CRACD: variants seen among roughly 807,000 people sequenced by gnomAD.
The protein encoded by CRACD is capping protein inhibiting regulator of actin dynamics.
Under a neutral mutation model 106.8 loss-of-function variants are expected in CRACD, and 56 were observed. The observed-to-expected ratio is 0.52, with a 90% CI of 0.42 to 0.66. The LOEUF (loss-of-function observed/expected upper bound fraction) is 0.66. CRACD is among the 30% of genes least tolerant of loss of function. The pLI, the probability that CRACD is intolerant of heterozygous loss-of-function variation, is 0.00. For synonymous variants in CRACD, 754 were observed against 670.8 expected, an observed-to-expected ratio of 1.12 and a Z score of -1.92; for missense variants, 1,730 against 1,623.2, an observed-to-expected ratio of 1.07 and a Z score of -1.13.
chr4:56,118,974 A>G (rs945108948), intron 1 of CRACD, among the ~76,000 whole-genome samples: 28 of 152,320 alleles, frequency 1.8e-4, no homozygotes, highest in Middle Eastern at 6.8e-3. Context: ...ATCCATTGAG[A>G]CATGAAAACA....
At position 56,267,277 on chromosome 4, in the gene CRACD, C is replaced by T. The variant is rs954139812; in HGVS notation, c.-188-5044C>T. On this transcript the variant is annotated intron_variant, in intron 2 of 10. Transcript: ENST00000682029. The stretch of plus-strand genomic sequence containing the variant: ...CTGGAATTATAGGCACCAGCCACCA[C>T]GCCCAGCTAATTTTTTTTGTATTTT... Among the ~76,000 whole-genome samples, 77 of 152,182 alleles carry T rather than the reference C, an allele frequency of 5.1e-4. 1 individual carries two copies. The highest frequency in any genetic ancestry group is 1.7e-3 in the African/African-American group (72 of 41,542).
intron 1 of CRACD, among the ~76,000 whole-genome samples, chr4:56,134,587 A>G (rs1734937431): frequency 1.3e-5 from 2 of 152,164 alleles, no homozygotes; most frequent in African/African-American, 4.8e-5. Flanking sequence ...CTTCTCCCCA[A>G]GCATTGTTTA....
At chr4:56,221,862 T>C (rs1362304860) in intron 2 of CRACD, among the ~76,000 whole-genome samples, 2 of 152,162 alleles carry the variant, frequency 1.3e-5, no homozygotes, top group African/African-American at 2.4e-5. Flanking sequence ...CGAGCCAGAA[T>C]GGCTATTATT....
intron 1 of CRACD, among the ~76,000 whole-genome samples, chr4:56,118,866 G>A (rs1245860369): frequency 1.3e-5 from 2 of 152,140 alleles, no homozygotes; most frequent in Non-Finnish European, 2.9e-5. Context: ...TTTATACAGT[G>A]GCAATTCTAT....
chr4:56,260,441 G>A (rs767320287), intron 2 of CRACD, among the ~76,000 whole-genome samples: 9 of 152,180 alleles, frequency 5.9e-5, no homozygotes, highest in South Asian at 2.1e-4. Flanking sequence ...ATTAAGTATC[G>A]TTTAAGGACA....
At chr4:56,232,803 C>T (rs1392328463) in intron 2 of CRACD, among the ~76,000 whole-genome samples, 3 of 151,932 alleles carry the variant, frequency 2.0e-5, no homozygotes, top group Non-Finnish European at 4.4e-5. Flanking sequence ...CGGCTCACTG[C>T]AAACTCTGCC....
At chr4:56,235,230 G>GTGTTTGTCAAGTCAGAGCTT (rs1452523386) in intron 2 of CRACD, among the ~76,000 whole-genome samples, 10 of 152,278 alleles carry the variant, frequency 6.6e-5, no homozygotes, top group African/African-American at 2.2e-4. Flanking sequence ...TATCTTGGGG[G>GTGTTTGTCAAGTCAGAGCTT]TGTTTGTCAA....
At chr4:56,167,847 T>C (rs28799076) in intron 1 of CRACD, among the ~76,000 whole-genome samples, 49,448 of 152,092 alleles carry the variant, frequency 0.33, 8,021 homozygotes, top group Admixed American at 0.34. Context: ...TCCTGCAATA[T>C]GCAACATGGA....
In CRACD at chr4:56,330,461, A is replaced by G. The variant is rs1188158502; in HGVS notation, c.*2657A>G. Among the ~76,000 whole-genome samples, 1 of 152,134 alleles carries G rather than the reference A, an allele frequency of 6.6e-6. No homozygotes were observed. The highest frequency in any genetic ancestry group is 1.5e-5 in the Non-Finnish European group (1 of 68,022). The stretch of plus-strand genomic sequence containing the variant: ...GAAACATTAGTTACAAGTGTCTTAC[A>G]ATATTTTTACCAACAGTAAAGTAGA... On this transcript the variant is annotated 3_prime_UTR_variant, in exon 11 of 11. Transcript: ENST00000682029.
chr4:56,056,441 G>A (rs1259595807), intron 1 of CRACD, among the ~76,000 whole-genome samples: 13 of 152,146 alleles, frequency 8.5e-5, no homozygotes, highest in Non-Finnish European at 1.3e-4. Flanking sequence ...CTGGTCCCAT[G>A]TGGCTAGTCC....
At chr4:56,253,233 A>G (rs1336162774) in intron 2 of CRACD, among the ~76,000 whole-genome samples, 3 of 152,244 alleles carry the variant, frequency 2.0e-5, no homozygotes, top group African/African-American at 7.2e-5. Context: ...AAGCCACAGT[A>G]ATAACACCAC....
intron 1 of CRACD, among the ~76,000 whole-genome samples, chr4:56,089,390 T>C (rs12331742): frequency 0.24 from 35,809 of 152,206 alleles, 4,462 homozygotes; most frequent in South Asian, 0.37. Context: ...CCTATCACTT[T>C]TCTTGATAGA....
rs367873310 is a variant in CRACD at position 56,230,429 on chromosome 4, G to A, written c.-188-41892G>A. ...TACTGAGCACTGCTATCTGTCTGTG[G>A]TGGCCCCGGTGGAGGACACAAGAGA... On this transcript the variant is annotated intron_variant, in intron 2 of 10. Coordinates refer to ENST00000682029, the MANE Select transcript of CRACD (RefSeq NM_001393381.1). Among the ~76,000 whole-genome samples, 12 of 152,238 alleles carry A rather than the reference G, an allele frequency of 7.9e-5. No homozygotes were observed. The East Asian group carries it at 1.7e-3, about 22-fold the overall frequency.
At chr4:56,082,254 T>C (rs911254391) in intron 1 of CRACD, among the ~76,000 whole-genome samples, 3 of 152,118 alleles carry the variant, frequency 2.0e-5, no homozygotes, top group African/African-American at 7.2e-5. Context: ...GGGTGGACCA[T>C]GCCCAGGGCC....
intron 1 of CRACD, among the ~76,000 whole-genome samples, chr4:56,057,095 A>G (rs1415541630): frequency 6.6e-6 from 1 of 152,230 alleles, no homozygotes; most frequent in Non-Finnish European, 1.5e-5. Flanking sequence ...AAATGTATCT[A>G]CTAAGAAATT....
At chr4:56,284,701 G>T (rs1197651423) in intron 3 of CRACD, among the ~76,000 whole-genome samples, 2 of 151,796 alleles carry the variant, frequency 1.3e-5, no homozygotes, top group Non-Finnish European at 2.9e-5. Context: ...CCCCAGCCTG[G>T]GCTACAGAGT....
At chr4:56,296,791 C>G (rs368993351) in intron 3 of CRACD, among the ~76,000 whole-genome samples, 52 of 152,270 alleles carry the variant, frequency 3.4e-4, no homozygotes, top group Middle Eastern at 3.4e-3. Context: ...AGCTGGCAGC[C>G]TCAGTGTGTA....
chr4:56,055,576 C>G (rs1208294024), intron 1 of CRACD, among the ~76,000 whole-genome samples: 1 of 151,874 alleles, frequency 6.6e-6, no homozygotes, highest in Non-Finnish European at 1.5e-5. Context: ...TCCAGGCTGC[C>G]CTAAATGATT....
At position 56,081,694 on chromosome 4, in the gene CRACD, G is replaced by T. The variant is rs534235530; in HGVS notation, c.-336+32395G>T. On this transcript the variant is annotated intron_variant, in intron 1 of 10. Coordinates refer to ENST00000682029, the MANE Select transcript of CRACD (RefSeq NM_001393381.1). ...GGTAGTGCATAAGATAGGCCAGGTT[G>T]GCTGGGCATGGTGGTTCATGCCTGT... Among the ~76,000 whole-genome samples the T allele has an allele frequency of 2.6e-5, 4 of 152,264 alleles. No individual in the cohort carries two copies. The East Asian group carries it at 7.7e-4, about 29-fold the overall frequency.
Sources: gnomAD v4.1 joint callset for allele counts (sites outside exome capture counted in the v4.1 genomes callset) on GRCh38, gnomAD v4.1.1 for gene constraint, MANE v1.5 for transcripts, NCBI Gene and HGNC (gene_info 2026-07-23, HGNC 2026-07-21) for gene names.